RNF150: variants seen among roughly 807,000 people sequenced by gnomAD.
The protein encoded by RNF150 is ring finger protein 150.
RNF150 carries 24 observed loss-of-function variants against 39.3 expected under a neutral mutation model. The observed-to-expected ratio is 0.61, with a 90% CI of 0.44 to 0.86. RNF150 has a LOEUF of 0.86. Ranked by LOEUF, RNF150 falls within the 40% of genes least tolerant of loss-of-function variation. RNF150 has a pLI of 0.00. For synonymous variants in RNF150, 255 were observed against 227.3 expected (o/e 1.12, Z -1.10); for missense variants, 502 against 587.8 (o/e 0.85, Z 1.51).
chr4:141,144,512 G>T (rs1447269183), intron 1 of RNF150, among the ~76,000 whole-genome samples: 1 of 152,138 alleles, frequency 6.6e-6, no homozygotes, highest in Non-Finnish European at 1.5e-5. Flanking sequence ...TGAATTCTAT[G>T]CAGGAGAATT....
intron 6 of RNF150, among the ~76,000 whole-genome samples, chr4:140,875,163 G>GTTTTTT (rs58742685): frequency 8.2e-6 from 1 of 122,606 alleles, no homozygotes; most frequent in African/African-American, 3.0e-5. Flanking sequence ...CAATCATTAC[G>GTTTTTT]TTTTTTTTTT....
chr4:141,100,660 T>C (rs1578729887), intron 1 of RNF150, among the ~76,000 whole-genome samples: 1 of 152,208 alleles, frequency 6.6e-6, no homozygotes, highest in African/African-American at 2.4e-5. Flanking sequence ...GGGAAGGAGA[T>C]GTACGTCATG....
Position 140,911,039 on chromosome 4 carries a change from G to A in RNF150, c.1198+105C>T. 3.5e-6 allele frequency: 3 copies of A among 857,942 alleles called. No individual in the cohort carries two copies. In the South Asian group the frequency reaches 4.8e-5, roughly 14 times the overall value. 53.1% of individuals were successfully genotyped at this position (857,942 alleles called of 1,614,324 possible). On this transcript the variant is annotated intron_variant, in intron 6 of 6. Coordinates refer to ENST00000515673, the MANE Select transcript of RNF150 (RefSeq NM_020724.2). Reference sequence around the variant, plus strand: ...TATAACTGATGAACCTAGCAATGATGTACTCATTCAATATTTTTTTCTTTT... The same window carrying A: ...TATAACTGATGAACCTAGCAATGATATACTCATTCAATATTTTTTTCTTTT...
chr4:141,191,357 C>T (rs1261017921), intron 1 of RNF150, among the ~76,000 whole-genome samples: 1 of 152,180 alleles, frequency 6.6e-6, no homozygotes, highest in Non-Finnish European at 1.5e-5. Context: ...TTTGGGTGTC[C>T]CACCTCAATC....
Position 140,895,287 on chromosome 4 carries a change from A to G in RNF150, c.1198+15857T>C, listed in dbSNP as rs541527393. Among the ~76,000 whole-genome samples the G allele has an allele frequency of 1.8e-3, 270 of 152,308 alleles. 4 individuals are homozygous for G. Among genetic ancestry groups the G allele is most frequent in the African/African-American group, 5.1e-3 (214 of 41,582 alleles). On this transcript the variant is annotated intron_variant, in intron 6 of 6. Coordinates refer to ENST00000515673, the MANE Select transcript of RNF150 (RefSeq NM_020724.2). Reference sequence around the variant, plus strand: ...ATTTTATGGTTATATTTTTAGAGACAGGGTTTCTCTAAGGGGAAGCTGAAT... The same window carrying G: ...ATTTTATGGTTATATTTTTAGAGACGGGGTTTCTCTAAGGGGAAGCTGAAT...
At position 140,890,691 on chromosome 4, in the gene RNF150, T is replaced by G. The variant is rs117887137; in HGVS notation, c.1198+20453A>C. Among the ~76,000 whole-genome samples, 138 of 152,342 alleles carry G rather than the reference T, an allele frequency of 9.1e-4. 1 individual carries two copies. The East Asian group carries it at 0.021, about 23-fold the overall frequency. On this transcript the variant is annotated intron_variant, in intron 6 of 6. Transcript: ENST00000515673. ...AGTCAACCATGCAGCCATCCTGATC[T>G]TGGACTTCCCAGACTCCCGAACTGT...
At chr4:141,145,937 TG>T (rs1190015497) in intron 1 of RNF150, among the ~76,000 whole-genome samples, 1 of 152,198 alleles carries the variant, frequency 6.6e-6, no homozygotes, top group African/African-American at 2.4e-5. Flanking sequence ...CAAACACGGC[TG>T]CCTCAGTGTG....
intron 6 of RNF150, among the ~76,000 whole-genome samples, chr4:140,879,175 G>A (rs1195542461): frequency 6.6e-6 from 1 of 152,166 alleles, no homozygotes; most frequent in Non-Finnish European, 1.5e-5. Context: ...TAGGAAGTGT[G>A]AGGCCTTCAA....
chr4:141,205,427 G>T (rs534448813), intron 1 of RNF150, among the ~76,000 whole-genome samples: 2 of 152,278 alleles, frequency 1.3e-5, no homozygotes, highest in South Asian at 2.1e-4. Context: ...AAGAGAATGA[G>T]AATTGGGTTT....
chr4:140,895,055 C>T (rs1299428413), intron 6 of RNF150, among the ~76,000 whole-genome samples: 1 of 152,150 alleles, frequency 6.6e-6, no homozygotes, highest in Non-Finnish European at 1.5e-5. Flanking sequence ...AGAACATTAC[C>T]TTTGTGGATC....
At chr4:141,008,506 T>C (rs1578626266) in intron 1 of RNF150, among the ~76,000 whole-genome samples, 1 of 152,246 alleles carries the variant, frequency 6.6e-6, no homozygotes, top group South Asian at 2.1e-4. Context: ...GGTTACAAAA[T>C]ATACACCTAT....
intron 1 of RNF150, among the ~76,000 whole-genome samples, chr4:141,036,686 C>T (rs2042629): frequency 9.9e-5 from 15 of 151,988 alleles, no homozygotes; most frequent in East Asian, 1.9e-4. Flanking sequence ...TAGATTGGTA[C>T]GGTGAATAGA....
At chr4:141,162,677 G>A (rs956311835) in intron 1 of RNF150, among the ~76,000 whole-genome samples, 4 of 152,008 alleles carry the variant, frequency 2.6e-5, no homozygotes, top group African/African-American at 9.7e-5. Context: ...AGGGTGGGGT[G>A]TTGCCTCACC....
chr4:140,895,156 G>A lies in RNF150; in HGVS notation c.1198+15988C>T, dbSNP rs575188919. On this transcript the variant is annotated intron_variant, in intron 6 of 6. Coordinates refer to ENST00000515673, the MANE Select transcript of RNF150 (RefSeq NM_020724.2). The stretch of plus-strand genomic sequence containing the variant: ...AGAAAATCTCCTGGAGAGGGTCAGG[G>A]GGCACAGGTAGCATGAGGGCTAATT... Among the ~76,000 whole-genome samples, 7 of 152,276 alleles carry A rather than the reference G, an allele frequency of 4.6e-5. No individual in the cohort carries two copies. The South Asian group carries it at 1.0e-3, about 23-fold the overall frequency.
At chr4:140,963,921 C>T (rs1733138391) in intron 2 of RNF150, among the ~76,000 whole-genome samples, 1 of 151,834 alleles carries the variant, frequency 6.6e-6, no homozygotes, top group Non-Finnish European at 1.5e-5. Flanking sequence ...AAATATATAT[C>T]TCAATCTAGA....
At chr4:141,000,778 T>C (rs894915254) in intron 1 of RNF150, among the ~76,000 whole-genome samples, 3 of 152,282 alleles carry the variant, frequency 2.0e-5, no homozygotes, top group South Asian at 2.1e-4. Flanking sequence ...CAATGTGGAT[T>C]TTGTTGGGAG....
intron 1 of RNF150, among the ~76,000 whole-genome samples, chr4:141,163,122 G>T (rs1727543053): frequency 6.6e-6 from 1 of 152,168 alleles, no homozygotes; most frequent in African/African-American, 2.4e-5. Flanking sequence ...TTGGGGCAGA[G>T]GTACCCACCA....
intron 1 of RNF150, among the ~76,000 whole-genome samples, chr4:141,063,267 G>C (rs540426673): frequency 6.6e-6 from 1 of 152,172 alleles, no homozygotes; most frequent in Non-Finnish European, 1.5e-5. Context: ...TCTGAATTAA[G>C]CAGATGTTAT....
intron 1 of RNF150, among the ~76,000 whole-genome samples, chr4:140,977,965 T>G (rs1321652441): frequency 1.3e-5 from 2 of 152,134 alleles, no homozygotes; most frequent in Non-Finnish European, 2.9e-5. Context: ...AAACTCATGG[T>G]ATTACCATAC....
Sources: allele counts gnomAD v4.1 joint callset (sites outside exome capture counted in the v4.1 genomes callset), GRCh38; gene constraint gnomAD v4.1.1; transcripts MANE v1.5; gene names NCBI Gene and HGNC (gene_info 2026-07-23, HGNC 2026-07-21).